The following TBC1D1 variants were observed in gnomAD, a reference collection of about 807,000 sequenced individuals.
The protein encoded by TBC1D1 is TBC1 (tre-2/USP6, BUB2, cdc16) domain family, member 1.
A neutral mutation model predicts 125.6 loss-of-function variants in TBC1D1; 89 were observed. That is an observed-to-expected ratio of 0.71 (90% CI 0.60 to 0.85). The LOEUF (loss-of-function observed/expected upper bound fraction) is 0.85. Ranked by LOEUF, TBC1D1 falls within the 40% of genes least tolerant of loss-of-function variation. The pLI, the probability that TBC1D1 is intolerant of heterozygous loss-of-function variation, is 0.00. For synonymous variants in TBC1D1, 565 were observed against 564.1 expected (o/e 1.00, Z -0.02); for missense variants, 1,377 against 1,469.2 (o/e 0.94, Z 1.03).
chr4:37,987,351 G>A lies in TBC1D1; in HGVS notation c.418-27158G>A, dbSNP rs140294871. Reference sequence around the variant, plus strand: ...CTGAAATTCAGAAAGGCTAGGTACCGTGTCCTAGCTAATAAGATTAAAGCT... The same window carrying A: ...CTGAAATTCAGAAAGGCTAGGTACCATGTCCTAGCTAATAAGATTAAAGCT... On this transcript the variant is annotated intron_variant, in intron 2 of 19. Transcript: ENST00000261439. Among the ~76,000 whole-genome samples, 552 of 151,192 alleles carry A rather than the reference G, an allele frequency of 3.7e-3. 9 individuals carry two copies. In the East Asian group the frequency reaches 0.047, roughly 13 times the overall value.
At chr4:37,983,433 A>C (rs1020167444) in intron 2 of TBC1D1, among the ~76,000 whole-genome samples, 1 of 152,094 alleles carries the variant, frequency 6.6e-6, no homozygotes, top group African/African-American at 2.4e-5. Context: ...AAACTCTTAT[A>C]GCTGTGTATT....
At chr4:38,006,795 A>G in intron 2 of TBC1D1, 1 of 508,832 alleles carries the variant, frequency 2.0e-6, no homozygotes, top group South Asian at 1.4e-5. Flanking sequence ...TATTTCTTTT[A>G]TGCTGCTCTT....
chr4:37,931,264 T>G (rs899957735), intron 2 of TBC1D1, among the ~76,000 whole-genome samples: 1 of 151,914 alleles, frequency 6.6e-6, no homozygotes, highest in Non-Finnish European at 1.5e-5. Flanking sequence ...ATCTGGCTAA[T>G]TTTTGTATTT....
At chr4:37,915,663 A>G (rs1719577587) in intron 2 of TBC1D1, among the ~76,000 whole-genome samples, 1 of 152,198 alleles carries the variant, frequency 6.6e-6, no homozygotes, top group Admixed American at 6.5e-5. Context: ...GTTTAACCAG[A>G]TATCTGGACA....
intron 7 of TBC1D1, among the ~76,000 whole-genome samples, chr4:38,030,949 C>G (rs116608960): frequency 0.01 from 1,546 of 152,336 alleles, 12 homozygotes; most frequent in South Asian, 0.018. Context: ...GAGGTTATCT[C>G]TACTGTAAAC....
chr4:38,053,774 A>AT (rs1182342974), intron 11 of TBC1D1, among the ~76,000 whole-genome samples: 3 of 152,156 alleles, frequency 2.0e-5, no homozygotes, highest in Non-Finnish European at 2.9e-5. Flanking sequence ...AAGTTTTTTC[A>AT]TTTTTTGTGG....
chr4:37,916,401 A>G (rs552080199), intron 2 of TBC1D1, among the ~76,000 whole-genome samples: 1 of 152,218 alleles, frequency 6.6e-6, no homozygotes, highest in South Asian at 2.1e-4. Flanking sequence ...TTATGGTGAT[A>G]GAGGTGCATC....
At chr4:38,002,977 A>G (rs1262243135) in intron 2 of TBC1D1, among the ~76,000 whole-genome samples, 1 of 152,248 alleles carries the variant, frequency 6.6e-6, no homozygotes, top group African/African-American at 2.4e-5. Flanking sequence ...CTGAGTCAGC[A>G]TAGCAAGGAA....
chr4:37,893,720 G>A (rs925790003), intron 1 of TBC1D1, among the ~76,000 whole-genome samples: 4 of 152,144 alleles, frequency 2.6e-5, no homozygotes, highest in African/African-American at 7.2e-5. Context: ...CAGCTATTTG[G>A]GAGGCTGAGA....
chr4:37,926,703 G>A lies in TBC1D1; in HGVS notation c.417+24191G>A, dbSNP rs189143812. On this transcript the variant is annotated intron_variant, in intron 2 of 19. Coordinates refer to ENST00000261439, the MANE Select transcript of TBC1D1 (RefSeq NM_015173.4). ...GAAAGGCTACTTGGACGTGGACATC[G>A]GTCCTGCCTTCTCTTTGGCCACTGC... 7.9e-5 allele frequency among the ~76,000 whole-genome samples: 12 copies of A among 152,302 alleles called. No homozygotes were observed. The East Asian group carries it at 1.2e-3, about 15-fold the overall frequency.
At chr4:37,921,432 G>A (rs995491972) in intron 2 of TBC1D1, among the ~76,000 whole-genome samples, 6 of 149,662 alleles carry the variant, frequency 4.0e-5, no homozygotes. Flanking sequence ...TTTTGAAATG[G>A]AGTCTCCCTC....
At chr4:38,023,480 A>G (rs13129650) in intron 6 of TBC1D1, among the ~76,000 whole-genome samples, 19,818 of 152,268 alleles carry the variant, frequency 0.13, 1,704 homozygotes, top group East Asian at 0.35. Flanking sequence ...ACTGAAGCTC[A>G]TTAAATGCCA....
chr4:37,954,310 C>T (rs1349793625), intron 2 of TBC1D1, among the ~76,000 whole-genome samples: 1 of 151,656 alleles, frequency 6.6e-6, no homozygotes, highest in Admixed American at 6.6e-5. Context: ...TCCTATGGTA[C>T]TGAACATGTT....
At chr4:38,018,726 G>A (rs1443757349) in intron 4 of TBC1D1, among the ~76,000 whole-genome samples, 2 of 152,058 alleles carry the variant, frequency 1.3e-5, no homozygotes, top group Non-Finnish European at 2.9e-5. Context: ...ATGACTTCCA[G>A]ATGCACATGT....
intron 2 of TBC1D1, among the ~76,000 whole-genome samples, chr4:37,963,779 T>C (rs768849868): frequency 6.6e-6 from 1 of 152,226 alleles, no homozygotes; most frequent in African/African-American, 2.4e-5. Flanking sequence ...TAATAATTTT[T>C]AAGATCCTAA....
intron 2 of TBC1D1, chr4:37,960,314 T>A: frequency 1.1e-6 from 1 of 913,220 alleles, no homozygotes; most frequent in South Asian, 1.8e-5. Context: ...TCTCAGATGA[T>A]GTGCTAGGCA....
chr4:37,893,440 C>A (rs992524351), intron 1 of TBC1D1, among the ~76,000 whole-genome samples: 1 of 152,166 alleles, frequency 6.6e-6, no homozygotes, highest in Admixed American at 6.6e-5. Context: ...TTAATGACCA[C>A]GTTAGTTTCA....
rs78949158 is a variant in TBC1D1, at chr4:38,083,951, T to C, written c.2051-5981T>C. Among the ~76,000 whole-genome samples, 3 of 151,330 alleles carry C rather than the reference T, an allele frequency of 2.0e-5. No homozygotes were observed. In the South Asian group the frequency reaches 6.3e-4, roughly 32 times the overall value. The stretch of plus-strand genomic sequence containing the variant: ...AATGTTGTCTTTTTTTTTTTTTTTT[T>C]TCTTGAGACAGAGTCTCGCTCTGTC... On this transcript the variant is annotated intron_variant, in intron 12 of 19. Coordinates refer to ENST00000261439, the MANE Select transcript of TBC1D1 (RefSeq NM_015173.4).
intron 2 of TBC1D1, among the ~76,000 whole-genome samples, chr4:37,964,324 A>G (rs1730653735): frequency 6.6e-6 from 1 of 152,196 alleles, no homozygotes; most frequent in Non-Finnish European, 1.5e-5. Flanking sequence ...ACAGTCTCAC[A>G]GTTGGAAAGG....
Sources: allele counts gnomAD v4.1 joint callset (sites outside exome capture counted in the v4.1 genomes callset), GRCh38; gene constraint gnomAD v4.1.1; transcripts MANE v1.5; gene names NCBI Gene and HGNC (gene_info 2026-07-23, HGNC 2026-07-21).